Variants in VPS13B observed in about 807,000 individuals in gnomAD.
VPS13B encodes the protein intermembrane lipid transfer protein VPS13B.
VPS13B carries 285 observed loss-of-function variants against 426.4 expected under a neutral mutation model. The observed-to-expected ratio is 0.67, with a 90% CI of 0.61 to 0.74. The LOEUF is 0.74. Among genes scored for constraint, VPS13B ranks in the 30% least tolerant of loss-of-function variants. The probability of loss-of-function intolerance (pLI) is 0.00; values close to 1 mark genes in which losing one functional copy is unlikely to be tolerated. For synonymous variants in VPS13B, 1,676 were observed against 1,676.4 expected (o/e 1.00, Z 0.01); for missense variants, 4,537 against 4,782.6 (o/e 0.95, Z 1.51).
At chr8:99,144,327 A>G (rs1810583674) in intron 13 of VPS13B, among the ~76,000 whole-genome samples, 1 of 151,792 alleles carries the variant, frequency 6.6e-6, no homozygotes, top group South Asian at 2.1e-4. Context: ...CCCAGTCTCT[A>G]CAAAAGATTA....
Position 99,642,103 on chromosome 8 carries a change from A to G in VPS13B, c.5513A>G (p.Glu1838Gly). The change falls in exon 34 of 62, where the codon GAA (glutamate) becomes GGA (glycine). Residue 1838 changes from glutamate to glycine, a missense_variant. Glu to Gly is a moderately conservative substitution (Grantham distance 98, BLOSUM62 -2). Around this residue, in one of 2 missense-constraint regions of VPS13B, gnomAD observed 4,311 missense variants for 4,474.3 expected, o/e 0.96. Transcript: ENST00000357162. ...CMALSKSKSQEQKNNEKTDKS... is the reference protein window; with the variant it reads ...CMALSKSKSQGQKNNEKTDKS... ...GCCTTATCCAAATCGAAATCACAAG[A>G]ACAGAAGAATAATGAAAAAACAGAC... 6.2e-7 allele frequency: 1 copy of G among 1,614,160 alleles called. No individual in the cohort carries two copies. The highest frequency in any genetic ancestry group is 8.5e-7 in the Non-Finnish European group (1 of 1,180,032).
intron 19 of VPS13B, among the ~76,000 whole-genome samples, chr8:99,349,332 C>CAAAAAAAAAAAAAAA (rs35441676): frequency 8.4e-5 from 4 of 47,738 alleles, no homozygotes; most frequent in African/African-American, 4.1e-4. Context: ...GACTCCGTCT[C>CAAAAAAAAAAAAAAA]AAAAAAAAAA....
chr8:99,535,641 T>C (rs940286276), intron 30 of VPS13B, among the ~76,000 whole-genome samples: 3 of 152,186 alleles, frequency 2.0e-5, no homozygotes, highest in African/African-American at 4.8e-5. Context: ...AACTTACATA[T>C]AGGAAAGTAT....
chr8:99,849,445 C>A (rs534042279), intron 55 of VPS13B, among the ~76,000 whole-genome samples: 1 of 152,162 alleles, frequency 6.6e-6, no homozygotes, highest in East Asian at 1.9e-4. Flanking sequence ...ACAGAAAATT[C>A]TAAGAAGAGG....
chr8:99,597,567 CTT>C lies in VPS13B; in HGVS notation c.5220+19936_5220+19937del, dbSNP rs796114242. 2.4e-4 allele frequency among the ~76,000 whole-genome samples: 37 copies of C among 152,040 alleles called. 1 individual carries two copies. The highest frequency in any genetic ancestry group is 3.4e-3 in the Middle Eastern group (1 of 294). ...GTGTTCTACAGATTTCTGGGAAAGT[CTT>C]TACTTTCTTTCTCCTCCTCCTCCTT... On this transcript the variant is annotated intron_variant, in intron 33 of 61. Transcript: ENST00000357162.
chr8:99,077,067 T>C (rs1845165253), intron 3 of VPS13B, among the ~76,000 whole-genome samples: 1 of 152,212 alleles, frequency 6.6e-6, no homozygotes, highest in South Asian at 2.1e-4. Context: ...TGGTGGATAT[T>C]ATTCTTTCAC....
intron 56 of VPS13B, among the ~76,000 whole-genome samples, chr8:99,856,812 A>T (rs558338455): frequency 2.6e-5 from 4 of 152,334 alleles, no homozygotes; most frequent in Admixed American, 1.3e-4. Context: ...CTGCACTCCA[A>T]CCTGGACAAC....
At chr8:99,759,934 C>T (rs559521040) in intron 39 of VPS13B, among the ~76,000 whole-genome samples, 96 of 152,092 alleles carry the variant, frequency 6.3e-4, no homozygotes, top group South Asian at 2.1e-3. Flanking sequence ...ATTGCATCCA[C>T]GCTTGTCTCT....
chr8:99,801,030 T>A (rs1813095008), intron 43 of VPS13B, among the ~76,000 whole-genome samples: 1 of 152,184 alleles, frequency 6.6e-6, no homozygotes, highest in Non-Finnish European at 1.5e-5. Context: ...ATGAGTAGCA[T>A]TATTTCAAAC....
chr8:99,591,093 G>A (rs1051181862), intron 33 of VPS13B, among the ~76,000 whole-genome samples: 9 of 151,052 alleles, frequency 6.0e-5, no homozygotes, highest in Admixed American at 5.3e-4. Context: ...TTATGTAATG[G>A]CCTTCTTTGT....
intron 17 of VPS13B, among the ~76,000 whole-genome samples, chr8:99,264,036 T>C (rs920112586): frequency 6.6e-6 from 1 of 152,158 alleles, no homozygotes; most frequent in African/African-American, 2.4e-5. Context: ...CTTATAAAAC[T>C]TGTATTCTTG....
At position 99,630,185 on chromosome 8, in the gene VPS13B, G is replaced by A. The variant is rs546044095; in HGVS notation, c.5221-11626G>A. On this transcript the variant is annotated intron_variant, in intron 33 of 61. Transcript: ENST00000357162. ...TTTGAAGACAGGCCTAAAATGAGGAGTGCAAGTCTCTTAACCTGCCACCCA... is the reference window on the plus strand; with the variant it reads ...TTTGAAGACAGGCCTAAAATGAGGAATGCAAGTCTCTTAACCTGCCACCCA... 1.1e-3 allele frequency among the ~76,000 whole-genome samples: 163 copies of A among 150,966 alleles called. 1 individual carries two copies. The highest frequency in any genetic ancestry group is 1.9e-3 in the Non-Finnish European group (130 of 67,698).
chr8:99,608,963 A>G (rs187597066), intron 33 of VPS13B, among the ~76,000 whole-genome samples: 2 of 152,238 alleles, frequency 1.3e-5, no homozygotes, highest in East Asian at 1.9e-4. Flanking sequence ...TAGAGTTGCT[A>G]TGAACATTCA....
intron 50 of VPS13B, 74 bp from the exon 51 acceptor site, chr8:99,823,757 CT>C (rs1390011900): frequency 2.8e-5 from 42 of 1,494,124 alleles, no homozygotes; most frequent in Non-Finnish European, 4.6e-6. Flanking sequence ...ATAAAATAAC[CT>C]TTTAGGAATA....
chr8:99,399,546 G>A (rs1350268045), intron 21 of VPS13B, among the ~76,000 whole-genome samples: 1 of 152,020 alleles, frequency 6.6e-6, no homozygotes, highest in South Asian at 2.1e-4. Flanking sequence ...TTATGAAGAT[G>A]ATAAATATGA....
Position 99,366,071 on chromosome 8 carries a change from G to A in VPS13B, c.2825-18137G>A, listed in dbSNP as rs117046646. Among the ~76,000 whole-genome samples the A allele has an allele frequency of 2.2e-4, 34 of 151,738 alleles. 1 individual carries two copies. Among genetic ancestry groups the A allele is most frequent in the Admixed American group, 1.8e-3 (27 of 15,232 alleles). On this transcript the variant is annotated intron_variant, in intron 19 of 61. Transcript: ENST00000357162. ...TAAAGAGAAGAATTTGTATTCTGTC[G>A]CCATTGAATGAAATGTTTTGTAAAT...
intron 39 of VPS13B, among the ~76,000 whole-genome samples, chr8:99,736,758 A>AT (rs11415539): frequency 1 from 152,179 of 152,180 alleles, 76,089 homozygotes; most frequent in Middle Eastern, 1. Flanking sequence ...TTTTTTACTT[A>AT]TTTTATATTT....
In VPS13B at chr8:99,638,670, A is replaced by T. The variant is rs571199050; in HGVS notation, c.5221-3141A>T. ...TAGGTATTAATGTCCCAATGTGAGGACACAGACGGAAGAGATAGGATTCTT... is the reference window on the plus strand; with the variant it reads ...TAGGTATTAATGTCCCAATGTGAGGTCACAGACGGAAGAGATAGGATTCTT... On this transcript the variant is annotated intron_variant, in intron 33 of 61. Coordinates refer to ENST00000357162, the MANE Select transcript of VPS13B (RefSeq NM_152564.5). Among the ~76,000 whole-genome samples, 35 of 152,260 alleles carry T rather than the reference A, an allele frequency of 2.3e-4. No homozygotes were observed. In the South Asian group the frequency reaches 7.3e-3, roughly 32 times the overall value.
At chr8:99,363,456 G>A (rs937753814) in intron 19 of VPS13B, among the ~76,000 whole-genome samples, 1 of 152,136 alleles carries the variant, frequency 6.6e-6, no homozygotes, top group Admixed American at 6.5e-5. Context: ...TTTTGGGTCT[G>A]TTTTTGATTC....
Sources: allele counts gnomAD v4.1 joint callset (sites outside exome capture counted in the v4.1 genomes callset), GRCh38; gene constraint gnomAD v4.1.1; regional missense constraint gnomAD v4.1.1; transcripts MANE v1.5; gene names NCBI Gene and HGNC (gene_info 2026-07-23, HGNC 2026-07-21).